Variants in EPM2A observed in about 807,000 individuals in gnomAD.
The protein encoded by EPM2A is laforin.
A neutral mutation model predicts 26.5 loss-of-function variants in EPM2A; 21 were observed. The ratio of observed to expected loss-of-function variants is 0.79; its 90% CI spans 0.56 to 1.14. The LOEUF is 1.14. Among genes scored for constraint, EPM2A ranks in the 50% most tolerant of loss-of-function variants. EPM2A has a pLI of 0.00. For synonymous variants in EPM2A, 217 were observed against 177.6 expected, an observed-to-expected ratio of 1.22 and a Z score of -1.76; for missense variants, 458 against 440.8, an observed-to-expected ratio of 1.04 and a Z score of -0.35.
At chr6:145,385,404 TA>T (rs1233218828) in intron 4 of EPM2A, among the ~76,000 whole-genome samples, 9 of 151,902 alleles carry the variant, frequency 5.9e-5, no homozygotes, top group Admixed American at 3.3e-4. Flanking sequence ...AAATAAAAAA[TA>T]AAAAAAGGTC....
intron 1 of EPM2A, among the ~76,000 whole-genome samples, chr6:145,718,418 G>A (rs1323218180): frequency 6.6e-6 from 1 of 151,080 alleles, no homozygotes; most frequent in East Asian, 1.9e-4. Context: ...CTAGCCATAT[G>A]TAGAAAGCTG....
chr6:145,518,149 G>A (rs1048375765), intron 2 of EPM2A, among the ~76,000 whole-genome samples: 4 of 152,130 alleles, frequency 2.6e-5, no homozygotes, highest in African/African-American at 9.7e-5. Context: ...GCATGAAGGC[G>A]AATGTGTTTA....
At chr6:145,697,109 C>T (rs1781637123) in intron 1 of EPM2A, among the ~76,000 whole-genome samples, 2 of 151,938 alleles carry the variant, frequency 1.3e-5, no homozygotes, top group African/African-American at 4.8e-5. Flanking sequence ...AATTCACCCC[C>T]GATATTTCAC....
chr6:145,698,389 A>G (rs1781733853), intron 1 of EPM2A, among the ~76,000 whole-genome samples: 1 of 152,228 alleles, frequency 6.6e-6, no homozygotes. Flanking sequence ...GACAAAGCTT[A>G]GCCTTGGATT....
In EPM2A at chr6:145,425,116, CCCTTCCTT is replaced by C. The variant is rs71028346; in HGVS notation, c.556-41027_556-41020del. Among the ~76,000 whole-genome samples the C allele has an allele frequency of 8.3e-3, 1,095 of 131,924 alleles. 4 individuals are homozygous for C. The highest frequency in any genetic ancestry group is 0.022 in the African/African-American group (828 of 37,198). The allele number at this position is 131,924 out of a possible 152,430, so 86.5% of individuals were successfully genotyped here. On this transcript the variant is annotated intron_variant, in intron 4 of 4. Coordinates refer to the EPM2A transcript ENST00000638717. ...AATTAGTAGCTTTGGATGTAAGTCT[CCCTTCCTT>C]CCTTCCTTCCTTCCTTCCTTCCTTC...
intron 2 of EPM2A, among the ~76,000 whole-genome samples, chr6:145,679,358 T>C (rs1780325856): frequency 6.6e-6 from 1 of 151,554 alleles, no homozygotes; most frequent in Non-Finnish European, 1.5e-5. Flanking sequence ...TGTATACCTA[T>C]GTAACAAACC....
At chr6:145,450,254 G>A (rs1275864465) in intron 4 of EPM2A, among the ~76,000 whole-genome samples, 1 of 150,352 alleles carries the variant, frequency 6.7e-6, no homozygotes, top group African/African-American at 2.4e-5. Context: ...TCGGGAGGCT[G>A]AGGCAGGAGA....
At chr6:145,679,367 C>A (rs1460667359) in intron 2 of EPM2A, among the ~76,000 whole-genome samples, 2 of 151,276 alleles carry the variant, frequency 1.3e-5, no homozygotes, top group African/African-American at 4.9e-5. Context: ...ATGTAACAAA[C>A]CTGCATGTTG....
At chr6:145,655,487 C>CA (rs1383216027) in intron 2 of EPM2A, among the ~76,000 whole-genome samples, 1 of 151,650 alleles carries the variant, frequency 6.6e-6, no homozygotes, top group African/African-American at 2.4e-5. Flanking sequence ...AAAAAGTTCA[C>CA]AAAAAAGTGA....
In EPM2A at chr6:145,688,728, G is replaced by A. The variant is rs181119808; in HGVS notation, c.302-2432C>T. ...GAACAAAGTCTGAAAGTTTTTCAATGTTTAACAGCCAGCGAGAGAAGGATA... is the reference window on the plus strand; with the variant it reads ...GAACAAAGTCTGAAAGTTTTTCAATATTTAACAGCCAGCGAGAGAAGGATA... On this transcript the variant is annotated intron_variant, in intron 1 of 3. Coordinates refer to ENST00000367519, the MANE Select transcript of EPM2A (RefSeq NM_005670.4). Among the ~76,000 whole-genome samples, 6 of 152,292 alleles carry A rather than the reference G, an allele frequency of 3.9e-5. No individual in the cohort carries two copies. The East Asian group carries it at 1.2e-3, about 29-fold the overall frequency.
intron 4 of EPM2A, among the ~76,000 whole-genome samples, chr6:145,443,189 T>C (rs1779088196): frequency 6.6e-6 from 1 of 152,182 alleles, no homozygotes; most frequent in Admixed American, 6.5e-5. Flanking sequence ...GTTATTTCTG[T>C]TTAGGATTTC....
intron 4 of EPM2A, among the ~76,000 whole-genome samples, chr6:145,414,470 A>G (rs1017920113): frequency 3.3e-5 from 5 of 152,070 alleles, no homozygotes; most frequent in African/African-American, 1.2e-4. Flanking sequence ...AAACTAATCT[A>G]GGCTCTTTGC....
chr6:145,612,936 G>A (rs1775423951), intron 2 of EPM2A, among the ~76,000 whole-genome samples: 1 of 151,804 alleles, frequency 6.6e-6, no homozygotes, highest in Non-Finnish European at 1.5e-5. Flanking sequence ...TGAATGTTGG[G>A]CTGGCTGTGG....
chr6:145,553,597 C>CA (rs1268962688), intron 2 of EPM2A, among the ~76,000 whole-genome samples: 2 of 151,942 alleles, frequency 1.3e-5, no homozygotes, highest in Non-Finnish European at 2.9e-5. Context: ...ATGCTCCACA[C>CA]AAGCCACTGC....
chr6:145,393,969 G>A (rs1380607032), intron 4 of EPM2A, among the ~76,000 whole-genome samples: 1 of 151,858 alleles, frequency 6.6e-6, no homozygotes, highest in African/African-American at 2.4e-5. Flanking sequence ...GACTACAGGT[G>A]TGTGCCACCA....
chr6:145,625,236 G>A (rs192503575), downstream of EPM2A: 12 of 154,922 alleles, frequency 7.7e-5, no homozygotes, highest in African/African-American at 2.9e-4. Flanking sequence ...TTACAAATAA[G>A]GAAACAAAAT....
chr6:145,586,694 C>T (rs946308115), intron 2 of EPM2A, among the ~76,000 whole-genome samples: 11 of 152,120 alleles, frequency 7.2e-5, no homozygotes, highest in African/African-American at 2.7e-4. Context: ...TTCCCCAAAA[C>T]GATCCTTCCT....
chr6:145,725,123 A>G (rs919031424), intron 1 of EPM2A, among the ~76,000 whole-genome samples: 4 of 146,644 alleles, frequency 2.7e-5, no homozygotes, highest in Non-Finnish European at 4.5e-5. Context: ...CTTAAAAATC[A>G]TGAATTTAAA....
chr6:145,688,195 T>C (rs1228727850), intron 1 of EPM2A, among the ~76,000 whole-genome samples: 1 of 152,172 alleles, frequency 6.6e-6, no homozygotes, highest in Non-Finnish European at 1.5e-5. Context: ...TAAGGATACC[T>C]CTCTGGCTAC....
Sources: allele counts gnomAD v4.1 joint callset (sites outside exome capture counted in the v4.1 genomes callset), GRCh38; gene constraint gnomAD v4.1.1; transcripts MANE v1.5; gene names NCBI Gene and HGNC (gene_info 2026-07-23, HGNC 2026-07-21).